The following PRPF39 variants were observed in gnomAD, a reference collection of about 807,000 sequenced individuals.
PRPF39 encodes the protein pre-mRNA processing factor 39.
PRPF39 carries 27 observed loss-of-function variants against 82.1 expected under a neutral mutation model. The ratio of observed to expected loss-of-function variants is 0.33; its 90% CI spans 0.24 to 0.45. The LOEUF is 0.45. PRPF39 is among the 20% of genes least tolerant of loss of function. The pLI is 1.00. For synonymous variants in PRPF39, 261 were observed against 256.4 expected, an observed-to-expected ratio of 1.02 and a Z score of -0.17; for missense variants, 581 against 796.9, an observed-to-expected ratio of 0.73 and a Z score of 3.26.
chr14:45,101,253 C>T (rs778505295), intron 4 of PRPF39, among the ~76,000 whole-genome samples: 1 of 152,042 alleles, frequency 6.6e-6, no homozygotes, highest in Non-Finnish European at 1.5e-5. Context: ...CATTTTTTAG[C>T]GCTTTATTGA....
chr14:45,115,299 T>C lies in PRPF39; in HGVS notation c.*386T>C, dbSNP rs1884805044. ...GGCTGGTTATTTACCTCCTTTTTTTTTTTTTTTTTTAAAGAAAAAAGGACT... is the reference window on the plus strand; with the variant it reads ...GGCTGGTTATTTACCTCCTTTTTTTCTTTTTTTTTTAAAGAAAAAAGGACT... On this transcript the variant is annotated 3_prime_UTR_variant, in exon 14 of 14. Coordinates refer to ENST00000355765, the MANE Select transcript of PRPF39 (RefSeq NM_017922.4). 6.5e-6 allele frequency: 1 copy of C among 152,958 alleles called. No homozygotes were observed. The highest frequency in any genetic ancestry group is 2.1e-4 in the South Asian group (1 of 4,852). The allele number at this position is 152,958 out of a possible 1,614,324, so 9.5% of individuals were successfully genotyped here. A position where few individuals can be genotyped will look rare whatever the true frequency, so the allele number is the denominator to read the frequency against.
At chr14:45,096,585 T>C in intron 3 of PRPF39, 5 of 1,444,268 alleles carry the variant, frequency 3.5e-6, no homozygotes, top group Non-Finnish European at 4.6e-6. Context: ...TCTTATTGCA[T>C]TTTTGGTCAG....
At chr14:45,089,746 C>T (rs1294294922) in intron 1 of PRPF39, among the ~76,000 whole-genome samples, 1 of 152,134 alleles carries the variant, frequency 6.6e-6, no homozygotes, top group Admixed American at 6.5e-5. Context: ...TGTACCCTTT[C>T]CCATTTTATG....
At chr14:45,096,078 T>C in intron 2 of PRPF39, 25 bp from the exon 3 acceptor site, 1 of 1,530,502 alleles carries the variant, frequency 6.5e-7, no homozygotes. Context: ...TCCACAATAT[T>C]TAAATACTGT....
At chr14:45,109,578 T>C in intron 7 of PRPF39, 38 bp from the exon 8 acceptor site, 1 of 1,545,670 alleles carries the variant, frequency 6.5e-7, no homozygotes, top group Non-Finnish European at 8.8e-7. Context: ...TTGGTGATAT[T>C]GGTTTACTTT....
rs1034985390 is a variant in PRPF39 at position 45,115,234 on chromosome 14, A to C, written c.*321A>C. On this transcript the variant is annotated 3_prime_UTR_variant, in exon 14 of 14. Coordinates refer to ENST00000355765, the MANE Select transcript of PRPF39 (RefSeq NM_017922.4). Reference sequence around the variant, plus strand: ...GGGTAGGAAGAAAAACCTGACTGCAAATCATGTCAGTGTAGTACAAAATTC... The same window carrying C: ...GGGTAGGAAGAAAAACCTGACTGCACATCATGTCAGTGTAGTACAAAATTC... The C allele has an allele frequency of 5.6e-6, 1 of 177,322 alleles. No individual in the cohort carries two copies. Among genetic ancestry groups the C allele is most frequent in the African/African-American group, 2.4e-5 (1 of 42,216 alleles). 11.0% of individuals were successfully genotyped at this position (177,322 alleles called of 1,614,324 possible).
At chr14:45,090,666 T>G (rs1883992397) in intron 1 of PRPF39, among the ~76,000 whole-genome samples, 1 of 137,878 alleles carries the variant, frequency 7.3e-6, no homozygotes, top group Non-Finnish European at 1.5e-5. Flanking sequence ...TTTCAAATGA[T>G]TTTTTCAATA....
intron 1 of PRPF39, among the ~76,000 whole-genome samples, chr14:45,091,444 C>T (rs1440721421): frequency 1.3e-5 from 2 of 152,130 alleles, no homozygotes; most frequent in Non-Finnish European, 2.9e-5. Flanking sequence ...CCTGGCCATG[C>T]TACATTTTGA....
chr14:45,089,577 A>T lies in PRPF39; in HGVS notation c.-20+5328A>T, dbSNP rs925827894. ...TTGACTCCCACTTCAGCCTCCGGCTAATTTTTGTATTTTTTTGTAGAGAAT... is the reference window on the plus strand; with the variant it reads ...TTGACTCCCACTTCAGCCTCCGGCTTATTTTTGTATTTTTTTGTAGAGAAT... On this transcript the variant is annotated intron_variant, in intron 1 of 13. Transcript: ENST00000355765. Among the ~76,000 whole-genome samples the T allele has an allele frequency of 1.1e-4, 16 of 152,062 alleles. 1 individual carries two copies. The highest frequency in any genetic ancestry group is 3.4e-4 in the African/African-American group (14 of 41,392).
chr14:45,095,702 A>C, intron 2 of PRPF39, 139 bp downstream of exon 2: 1 of 1,143,694 alleles, frequency 8.7e-7, no homozygotes, highest in Non-Finnish European at 1.2e-6. Flanking sequence ...AGGTAGCTAC[A>C]TTTTTAGCTT....
At chr14:45,097,852 C>G (rs371895432) in intron 4 of PRPF39, among the ~76,000 whole-genome samples, 2 of 152,172 alleles carry the variant, frequency 1.3e-5, no homozygotes, top group South Asian at 2.1e-4. Context: ...AAGAAGTTAG[C>G]TAATGTTAAA....
In PRPF39 at chr14:45,114,517, A is replaced by C; in HGVS notation, c.1856A>C (p.Lys619Thr). ...ENGSEEPEEK[K>T]AHTEDTTSSS... The stretch of plus-strand genomic sequence containing the variant: ...AGATCAGAAGAACCAGAGGAAAAGA[A>C]AGCACATACAGAAGATACAACTTCA... Residue 619 changes from lysine (K) to threonine (T), a missense_variant, in exon 13 of 14, where the codon AAA becomes ACA. Lys to Thr is a moderately conservative substitution (Grantham distance 78). Transcript: ENST00000355765. 6.3e-7 allele frequency: 1 copy of C among 1,582,580 alleles called. No individual in the cohort carries two copies. Among genetic ancestry groups the C allele is most frequent in the Non-Finnish European group, 8.5e-7 (1 of 1,171,374 alleles).
chr14:45,111,365 G>C (rs765004369), intron 10 of PRPF39, among the ~76,000 whole-genome samples: 70 of 146,112 alleles, frequency 4.8e-4, no homozygotes, highest in Admixed American at 1.5e-3. Context: ...TTTTTTTTTT[G>C]AGTCTGTCGC....
chr14:45,108,174 T>C (rs1884597132), intron 6 of PRPF39, among the ~76,000 whole-genome samples: 1 of 152,086 alleles, frequency 6.6e-6, no homozygotes, highest in African/African-American at 2.4e-5. Context: ...TTTGCCTAGG[T>C]TGTGTATCTA....
rs1425181571 is a variant in PRPF39, at chr14:45,109,583, T to G, written c.1012-33T>G. On this transcript the variant is annotated intron_variant, in intron 7 of 13. Transcript: ENST00000355765. ...TGTGCATATTTTGGTGATATTGGTTTACTTTCATTGGCATGTTACAATTTC... is the reference window on the plus strand; with the variant it reads ...TGTGCATATTTTGGTGATATTGGTTGACTTTCATTGGCATGTTACAATTTC... The G allele has an allele frequency of 2.6e-6, 4 of 1,564,402 alleles. No homozygotes were observed. The East Asian group carries it at 6.8e-5, about 27-fold the overall frequency.
chr14:45,087,292 A>G (rs1439987064), intron 1 of PRPF39, among the ~76,000 whole-genome samples: 1 of 151,942 alleles, frequency 6.6e-6, no homozygotes, highest in South Asian at 2.1e-4. Context: ...TAGAGACAGC[A>G]TTTCCCTATG....
intron 2 of PRPF39, chr14:45,095,778 A>G (rs1173443820): frequency 3.1e-6 from 2 of 647,684 alleles, no homozygotes; most frequent in Non-Finnish European, 4.8e-6. Flanking sequence ...ATGTTTTGTA[A>G]TAATTGAGGT....
chr14:45,098,067 G>A (rs1382664678), intron 4 of PRPF39, among the ~76,000 whole-genome samples: 1 of 152,008 alleles, frequency 6.6e-6, no homozygotes, highest in Non-Finnish European at 1.5e-5. Flanking sequence ...TTCCAATATA[G>A]CTACAGAATA....
chr14:45,091,006 TTTATTCTTTCTTAGGAAAAAAA>T (rs1401399139), intron 1 of PRPF39, among the ~76,000 whole-genome samples: 2 of 152,236 alleles, frequency 1.3e-5, no homozygotes, highest in African/African-American at 4.8e-5. Context: ...ACATTTAAAA[TTTATTCTTTCTTAGGAAAAAAA>T]TAGTTTCATA....
Sources: allele counts gnomAD v4.1 joint callset (sites outside exome capture counted in the v4.1 genomes callset), GRCh38; gene constraint gnomAD v4.1.1; transcripts MANE v1.5; gene names NCBI Gene and HGNC (gene_info 2026-07-23, HGNC 2026-07-21).